The following CELF2 variants were observed in gnomAD, a reference collection of about 807,000 sequenced individuals.
CELF2 encodes CUGBP Elav-like family member 2.
A neutral mutation model predicts 62.6 loss-of-function variants in CELF2; 8 were observed. That is an observed-to-expected ratio of 0.13 (90% CI 0.07 to 0.23). CELF2 has a LOEUF of 0.23. CELF2 is among the 10% of genes least tolerant of loss of function. The pLI, the probability that CELF2 is intolerant of heterozygous loss-of-function variation, is 1.00. For missense variants in CELF2, 333 were observed against 671.0 expected (o/e 0.50, Z 5.56); for synonymous variants, 258 against 250.0 (o/e 1.03, Z -0.30).
At chr10:10,571,428 AATAAT>A in the CELF2 span, among the ~76,000 whole-genome samples, 2 of 152,220 alleles carry the variant, frequency 1.3e-5, no homozygotes, top group African/African-American at 4.8e-5. Context: ...CAATCGCCCA[AATAAT>A]ATAATATTTC....
Position 10,958,844 on chromosome 10 carries a change from T to TA in CELF2, c.89+38854dup, listed in dbSNP as rs1393897473. ...CGGTAACACAGCGAAGCCTAGTCTC[T>TA]AAAAAAAAAGAAAAAGAAAACAAAG... On this transcript the variant is annotated intron_variant, in intron 2 of 13. Coordinates refer to the CELF2 transcript ENST00000636488. Among the ~76,000 whole-genome samples the TA allele has an allele frequency of 1.1e-4, 17 of 150,282 alleles. No homozygotes were observed. The South Asian group carries it at 2.6e-3, about 23-fold the overall frequency.
the CELF2 span, among the ~76,000 whole-genome samples, chr10:10,534,861 CTATT>C: frequency 5.9e-5 from 9 of 152,172 alleles, no homozygotes; most frequent in East Asian, 1.7e-3. Context: ...ATAAAGTAGA[CTATT>C]TAATACTTGA....
At chr10:10,955,939 A>G (rs1398404738) in intron 2 of CELF2, among the ~76,000 whole-genome samples, 1 of 152,192 alleles carries the variant, frequency 6.6e-6, no homozygotes, top group Non-Finnish European at 1.5e-5. Context: ...TTTAAACACT[A>G]ACCCGAGCCC....
chr10:10,765,913 G>A, the CELF2 span, among the ~76,000 whole-genome samples: 56 of 152,174 alleles, frequency 3.7e-4, no homozygotes, highest in African/African-American at 1.3e-3. Context: ...AGGCACAAGC[G>A]CACTGGCCCA....
At chr10:11,307,436 A>C (rs2094306169) in intron 9 of CELF2, among the ~76,000 whole-genome samples, 1 of 152,242 alleles carries the variant, frequency 6.6e-6, no homozygotes, top group Admixed American at 6.5e-5. Context: ...GTTTAGATGA[A>C]AGTGGGGAAA....
chr10:11,251,761 T>C (rs1188108363), intron 4 of CELF2, among the ~76,000 whole-genome samples: 1 of 152,206 alleles, frequency 6.6e-6, no homozygotes, highest in African/African-American at 2.4e-5. Flanking sequence ...GAGGTTTACA[T>C]AAGTTAACGT....
At chr10:10,696,681 C>T in the CELF2 span, among the ~76,000 whole-genome samples, 18 of 152,048 alleles carry the variant, frequency 1.2e-4, no homozygotes, top group African/African-American at 4.1e-4. Context: ...ACCCTCCGAG[C>T]CAGGTGTGGG....
At chr10:10,759,986 A>G in the CELF2 span, among the ~76,000 whole-genome samples, 3 of 151,892 alleles carry the variant, frequency 2.0e-5, no homozygotes, top group Non-Finnish European at 2.9e-5. Flanking sequence ...GCTCACTTCA[A>G]CCTCCGCCTT....
At chr10:11,090,474 T>A (rs1179049190) in intron 1 of CELF2, among the ~76,000 whole-genome samples, 2 of 152,164 alleles carry the variant, frequency 1.3e-5, no homozygotes, top group South Asian at 2.1e-4. Flanking sequence ...TTCTACTGTT[T>A]AATAGTTGGA....
chr10:10,946,254 G>A (rs1305856479), intron 2 of CELF2: 2 of 152,284 alleles, frequency 1.3e-5, no homozygotes, highest in African/African-American at 4.8e-5. Flanking sequence ...AGATGAAATT[G>A]CACATCAAGA....
At chr10:11,258,301 A>T (rs1207775015) in intron 5 of CELF2, among the ~76,000 whole-genome samples, 1 of 152,230 alleles carries the variant, frequency 6.6e-6, no homozygotes, top group Non-Finnish European at 1.5e-5. Flanking sequence ...ACAAACTGGG[A>T]AAAAAGCGTC....
chr10:10,542,531 C>T, the CELF2 span, among the ~76,000 whole-genome samples: 7 of 152,184 alleles, frequency 4.6e-5, no homozygotes, highest in Non-Finnish European at 8.8e-5. Flanking sequence ...CTTTTCCACT[C>T]TAAGATAGAA....
chr10:11,080,172 T>A (rs1459683775), intron 1 of CELF2, among the ~76,000 whole-genome samples: 1 of 152,192 alleles, frequency 6.6e-6, no homozygotes, highest in African/African-American at 2.4e-5. Context: ...AATTTCCTCA[T>A]TTTAAAAATG....
At chr10:10,933,444 G>C (rs1380617063) in intron 2 of CELF2, among the ~76,000 whole-genome samples, 1 of 152,152 alleles carries the variant, frequency 6.6e-6, no homozygotes, top group Non-Finnish European at 1.5e-5. Flanking sequence ...TTTGTTGTGA[G>C]AGCATTTAAA....
the CELF2 span, among the ~76,000 whole-genome samples, chr10:10,666,852 ACTC>A: frequency 3.0e-5 from 2 of 66,958 alleles, no homozygotes; most frequent in Non-Finnish European, 5.4e-5. Flanking sequence ...ACAGAGCGAG[ACTC>A]CGTCTCAAAA....
rs2064596117 is a variant in CELF2, at chr10:11,157,025, T to C, written c.75-8461T>C. Among the ~76,000 whole-genome samples the C allele has an allele frequency of 6.6e-6, 1 of 152,100 alleles. No homozygotes were observed. Among genetic ancestry groups the C allele is most frequent in the African/African-American group, 2.4e-5 (1 of 41,422 alleles). The stretch of plus-strand genomic sequence containing the variant: ...TTATTTTCAAATACTTGAGAATGGG[T>C]GACCTCTCCACAGGATTCCCACAGC... On this transcript the variant is annotated intron_variant, in intron 1 of 12. Coordinates refer to ENST00000633077, the MANE Select transcript of CELF2 (RefSeq NM_001326342.2). This position sits in a 1 kb window ranked among gnomAD's most constrained non-coding sequence, Gnocchi z 4.9.
chr10:10,634,744 C>T, the CELF2 span, among the ~76,000 whole-genome samples: 50,727 of 150,152 alleles, frequency 0.34, 9,809 homozygotes, highest in South Asian at 0.64. Context: ...TCACTGCAAC[C>T]TCCACCTCCC....
At chr10:11,169,587 C>A (rs2133550432) in intron 2 of CELF2, among the ~76,000 whole-genome samples, 1 of 152,278 alleles carries the variant, frequency 6.6e-6, no homozygotes, top group Middle Eastern at 3.4e-3. Flanking sequence ...GGCCACAAAG[C>A]CTAGAGCTAT....
intron 1 of CELF2, among the ~76,000 whole-genome samples, chr10:11,151,289 C>T (rs1243561435): frequency 6.6e-6 from 1 of 152,168 alleles, no homozygotes; most frequent in African/African-American, 2.4e-5. Flanking sequence ...ATTAAAGAAC[C>T]ATATTGCTAG....
Sources: gnomAD v4.1 joint callset for allele counts (sites outside exome capture counted in the v4.1 genomes callset) on GRCh38, gnomAD v4.1.1 for gene constraint, Gnocchi (gnomAD v3.1) non-coding constraint, MANE v1.5 for transcripts, NCBI Gene and HGNC (gene_info 2026-07-23, HGNC 2026-07-21) for gene names.